SH3KBP1: variants seen among roughly 807,000 people sequenced by gnomAD.
The protein encoded by SH3KBP1 is SH3 domain-containing kinase-binding protein 1.
Under a neutral mutation model 50.1 loss-of-function variants are expected in SH3KBP1, and 8 were observed. That is an observed-to-expected ratio of 0.16 (90% confidence interval 0.09 to 0.29). SH3KBP1 has a LOEUF of 0.29. SH3KBP1 is among the 10% of genes least tolerant of loss of function. The probability of loss-of-function intolerance (pLI) is 1.00; values close to 1 mark genes in which losing one functional copy is unlikely to be tolerated. For synonymous variants in SH3KBP1, 227 were observed against 218.6 expected, an observed-to-expected ratio of 1.04 and a Z score of -0.34; for missense variants, 377 against 535.2, an observed-to-expected ratio of 0.70 and a Z score of 2.92.
chrX:19,722,584 G>GCGCAC (rs2064097970), intron 3 of SH3KBP1, among the ~76,000 whole-genome samples: 1 of 102,838 alleles, frequency 9.7e-6, no homozygotes, highest in African/African-American at 3.8e-5. Context: ...GTGTGTGTGT[G>GCGCAC]TGTGTGTGTG....
intron 6 of SH3KBP1, among the ~76,000 whole-genome samples, chrX:19,656,617 G>C (rs1309614787): frequency 8.9e-6 from 1 of 111,843 alleles, no homozygotes; most frequent in Admixed American, 9.5e-5. Context: ...CTCCGATTTA[G>C]AGAGTTAGAG....
At chrX:19,558,664 TA>T (rs901544377) in intron 13 of SH3KBP1, among the ~76,000 whole-genome samples, 4 of 112,170 alleles carry the variant, frequency 3.6e-5, no homozygotes, top group African/African-American at 1.3e-4. Context: ...CTTTCTATTG[TA>T]AAAACATGTA....
chrX:19,618,697 C>T (rs781734519), intron 8 of SH3KBP1, among the ~76,000 whole-genome samples: 5 of 111,288 alleles, frequency 4.5e-5, no homozygotes, highest in African/African-American at 9.8e-5. Context: ...AGTAATTGGC[C>T]GGGTGCAGTG....
chrX:19,547,587 T>C (rs754148575), intron 14 of SH3KBP1, among the ~76,000 whole-genome samples: 1 of 112,388 alleles, frequency 8.9e-6, no homozygotes, highest in South Asian at 3.7e-4. Context: ...TTCTTATTAA[T>C]CTAGGCTTAA....
chrX:19,837,462 C>CTTTTTTTTT (rs777871798), intron 1 of SH3KBP1, among the ~76,000 whole-genome samples: 3 of 72,753 alleles, frequency 4.1e-5, no homozygotes, highest in African/African-American at 6.1e-5. Context: ...TTTCATAACA[C>CTTTTTTTTT]TTTTTTTTTT....
intron 2 of SH3KBP1, among the ~76,000 whole-genome samples, chrX:19,801,753 A>G (rs946986228): frequency 4.2e-4 from 47 of 111,853 alleles, no homozygotes; most frequent in African/African-American, 1.5e-3. Flanking sequence ...ATATCATGGC[A>G]TGTAAATTAG....
At chrX:19,542,237 TGTGCTGC>T in intron 15 of SH3KBP1, 44 bp from the exon 16 acceptor site, 1 of 1,119,915 alleles carries the variant, frequency 8.9e-7, no homozygotes, top group Admixed American at 2.9e-5. Context: ...CGGGGATTTG[TGTGCTGC>T]GTCTTTGTCC....
chrX:19,549,932 T>G, intron 14 of SH3KBP1, 42 bp downstream of exon 14: 2 of 977,185 alleles, frequency 2.0e-6, no homozygotes, highest in Non-Finnish European at 2.9e-6. Flanking sequence ...GCTTTTCCGC[T>G]GTAGAGAAGT....
At position 19,735,610 on chromosome X, in the gene SH3KBP1, G is replaced by T. The variant is rs186247211; in HGVS notation, c.286+10708C>A. On this transcript the variant is annotated intron_variant, in intron 3 of 17. Transcript: ENST00000397821. The stretch of plus-strand genomic sequence containing the variant: ...TACTGCTTAATTTCTATGTAATTGT[G>T]AATTTCCCCAATTTCCTTCTATTGT... 1.6e-4 allele frequency among the ~76,000 whole-genome samples: 17 copies of T among 108,256 alleles called. No individual in the cohort carries two copies. The East Asian group carries it at 4.3e-3, about 28-fold the overall frequency. 94.0% of individuals were successfully genotyped at this position (108,256 alleles called of 115,157 possible). A position where few individuals can be genotyped will look rare whatever the true frequency, so the allele number is the denominator to read the frequency against.
At chrX:19,812,607 T>C (rs939211866) in intron 2 of SH3KBP1, among the ~76,000 whole-genome samples, 1 of 104,862 alleles carries the variant, frequency 9.5e-6, no homozygotes. Flanking sequence ...GGCAGGAGGA[T>C]TGCTTGAGCC....
At chrX:19,707,160 C>G (rs1294098539) in intron 3 of SH3KBP1, 176 bp from the exon 4 acceptor site, 1 of 547,489 alleles carries the variant, frequency 1.8e-6, no homozygotes, top group African/African-American at 2.3e-5. Context: ...GAAAGCAGAG[C>G]AATGCTTCTT....
At chrX:19,624,671 C>T (rs2067957655) in intron 8 of SH3KBP1, among the ~76,000 whole-genome samples, 1 of 111,981 alleles carries the variant, frequency 8.9e-6, no homozygotes, top group South Asian at 3.7e-4. Flanking sequence ...AGTGTCCTGG[C>T]TACTTATAAA....
intron 3 of SH3KBP1, among the ~76,000 whole-genome samples, chrX:19,729,134 T>C (rs2064304606): frequency 1.8e-5 from 2 of 112,749 alleles, no homozygotes; most frequent in Admixed American, 1.9e-4. Context: ...GGCAGGATAT[T>C]TGTAAACTGT....
chrX:19,608,306 C>CTTTTTTTTTTT (rs57794070), intron 8 of SH3KBP1, among the ~76,000 whole-genome samples: 1 of 87,296 alleles, frequency 1.1e-5, no homozygotes, highest in Admixed American at 1.2e-4. Flanking sequence ...TTCTTTCTTT[C>CTTTTTTTTTTT]TTTTTTTTTT....
chrX:19,668,833 G>A (rs193096304), intron 6 of SH3KBP1, among the ~76,000 whole-genome samples: 22 of 79,205 alleles, frequency 2.8e-4, no homozygotes, highest in African/African-American at 8.8e-4. Flanking sequence ...CAGCCTGGGC[G>A]ACAGGGTGAG....
At chrX:19,806,919 T>C (rs2067065294) in intron 2 of SH3KBP1, among the ~76,000 whole-genome samples, 1 of 111,890 alleles carries the variant, frequency 8.9e-6, no homozygotes, top group Non-Finnish European at 1.9e-5. Context: ...TTCTAATTAG[T>C]TCTCACAACA....
chrX:19,872,666 C>T (rs1404272648), intron 1 of SH3KBP1, among the ~76,000 whole-genome samples: 5 of 109,907 alleles, frequency 4.5e-5, no homozygotes, highest in Non-Finnish European at 9.5e-5. Context: ...GTCCCAGCTA[C>T]TCGGGAGGCT....
At chrX:19,687,554 T>C in intron 5 of SH3KBP1, 1 of 943,748 alleles carries the variant, frequency 1.1e-6, no homozygotes, top group Non-Finnish European at 1.5e-6. Context: ...GGCAGCTGCA[T>C]CAAAAAACAC....
Position 19,581,645 on chromosome X carries a change from T to C in SH3KBP1, c.1298+6998A>G, listed in dbSNP as rs955088822. ...ATAACCCCAAGGTCTTAAGCCAAGA[T>C]GCCTTGGTAAATTTAAAGAAAAAAT... is the stretch of plus-strand genomic sequence containing the variant. On this transcript the variant is annotated intron_variant, in intron 12 of 17. Coordinates refer to ENST00000397821, the MANE Select transcript of SH3KBP1 (RefSeq NM_031892.3). Among the ~76,000 whole-genome samples the C allele has an allele frequency of 2.7e-5, 3 of 111,313 alleles. No individual in the cohort carries two copies. The South Asian group carries it at 1.1e-3, about 42-fold the overall frequency.
Sources: gnomAD v4.1 joint callset for allele counts (sites outside exome capture counted in the v4.1 genomes callset) on GRCh38, gnomAD v4.1.1 for gene constraint, MANE v1.5 for transcripts, NCBI Gene and HGNC (gene_info 2026-07-23, HGNC 2026-07-21) for gene names.